SCIN: variants seen among roughly 807,000 people sequenced by gnomAD.
The protein encoded by SCIN is scinderin, also known as adseverin.
SCIN carries 91 observed loss-of-function variants against 91.8 expected under a neutral mutation model. The ratio of observed to expected loss-of-function variants is 0.99; its 90% CI spans 0.84 to 1.18. The LOEUF (loss-of-function observed/expected upper bound fraction) is 1.18, where lower values mean the gene tolerates loss of function less well. Among genes scored for constraint, SCIN ranks in the 50% most tolerant of loss-of-function variants. SCIN has a pLI of 0.00. For synonymous variants in SCIN, 367 were observed against 312.6 expected (o/e 1.17, Z -1.84); for missense variants, 1,087 against 863.9 (o/e 1.26, Z -3.24).
At chr7:12,577,402 T>A in intron 1 of SCIN, 1 of 374,500 alleles carries the variant, frequency 2.7e-6, no homozygotes, top group South Asian at 2.0e-5. Context: ...TAATAAAGGC[T>A]AAACCACTTG....
chr7:12,588,707 C>T (rs1362753508), intron 3 of SCIN, among the ~76,000 whole-genome samples: 3 of 151,446 alleles, frequency 2.0e-5, no homozygotes, highest in Non-Finnish European at 4.4e-5. Context: ...CCATGCTGCC[C>T]GTAGGGCTGT....
rs539357865 is a variant in SCIN at position 12,602,548 on chromosome 7, C to T, written c.517-1966C>T. On this transcript the variant is annotated intron_variant, in intron 3 of 15. Transcript: ENST00000297029. ...GGCATATTTCAGTCCTTATTTCAAC[C>T]GCATAAGACAGACACTCCCAGAGCG... Among the ~76,000 whole-genome samples the T allele has an allele frequency of 2.8e-3, 420 of 152,182 alleles. 2 individuals carry two copies. The highest frequency in any genetic ancestry group is 5.2e-3 in the Non-Finnish European group (351 of 67,994).
chr7:12,625,148 A>G lies in SCIN; in HGVS notation c.892+6A>G. 6.2e-7 allele frequency: 1 copy of G among 1,606,808 alleles called. No individual in the cohort carries two copies. Among genetic ancestry groups the G allele is most frequent in the Non-Finnish European group, 8.5e-7 (1 of 1,176,812 alleles). ...ACAAATTTTCGTATGGAAAGGTAAA[A>G]AATTCCATTGACGATGCTGTATTTC... is the stretch of plus-strand genomic sequence containing the variant. On this transcript the variant is annotated splice_donor_region_variant and intron_variant, in intron 6 of 15. Coordinates refer to ENST00000297029, the MANE Select transcript of SCIN (RefSeq NM_001112706.3).
intron 3 of SCIN, chr7:12,595,572 A>C (rs1782823834): frequency 6.6e-6 from 1 of 151,828 alleles, no homozygotes; most frequent in Admixed American, 6.6e-5. Context: ...TTCTTGCTGG[A>C]TAGGGGCAAT....
intron 1 of SCIN, chr7:12,577,787 T>G: frequency 2.3e-6 from 1 of 427,816 alleles, no homozygotes; most frequent in Non-Finnish European, 4.3e-6. Context: ...GCCCCAGAGT[T>G]TGGGGTTACA....
chr7:12,607,124 A>G (rs917538085), intron 4 of SCIN, among the ~76,000 whole-genome samples: 1 of 152,204 alleles, frequency 6.6e-6, no homozygotes, highest in Non-Finnish European at 1.5e-5. Context: ...ACTATCGGAC[A>G]TCACTCATGC....
At chr7:12,606,869 A>C (rs1783090326) in intron 4 of SCIN, among the ~76,000 whole-genome samples, 2 of 152,254 alleles carry the variant, frequency 1.3e-5, no homozygotes, top group African/African-American at 4.8e-5. Context: ...AACATAGCTA[A>C]TAAATCAGAC....
At chr7:12,593,247 C>T (rs952564076) in intron 3 of SCIN, among the ~76,000 whole-genome samples, 1 of 152,144 alleles carries the variant, frequency 6.6e-6, no homozygotes, top group East Asian at 1.9e-4. Context: ...GCTAGACTGA[C>T]AGATAGCCAC....
chr7:12,612,736 C>T lies in SCIN; in HGVS notation c.666+8073C>T, dbSNP rs368420327. On this transcript the variant is annotated intron_variant, in intron 4 of 15. Transcript: ENST00000297029. ...ATTTCTAGTATTGAATTTGGATACC[C>T]GTTTTGTTCCTCACCAATTCATCCA... 4.6e-5 allele frequency among the ~76,000 whole-genome samples: 7 copies of T among 152,204 alleles called. No homozygotes were observed. The East Asian group carries it at 5.8e-4, about 13-fold the overall frequency.
chr7:12,593,004 T>C (rs775174383), intron 3 of SCIN, among the ~76,000 whole-genome samples: 1 of 152,196 alleles, frequency 6.6e-6, no homozygotes, highest in Non-Finnish European at 1.5e-5. Flanking sequence ...GTGCAAGTGA[T>C]TCTTCACTTT....
intron 1 of SCIN, among the ~76,000 whole-genome samples, chr7:12,573,009 A>G (rs1368699509): frequency 6.6e-6 from 1 of 151,462 alleles, no homozygotes; most frequent in Non-Finnish European, 1.5e-5. Flanking sequence ...CCTTTAGAGA[A>G]AAAAAAAATG....
chr7:12,581,780 C>T (rs147881836), intron 3 of SCIN, among the ~76,000 whole-genome samples: 22 of 152,240 alleles, frequency 1.4e-4, no homozygotes, highest in Admixed American at 7.2e-4. Flanking sequence ...CTGGAAAAGA[C>T]GCTCCTCTAA....
At chr7:12,577,741 A>T (rs1222998797) in intron 1 of SCIN, 2 of 401,564 alleles carry the variant, frequency 5.0e-6, no homozygotes, top group African/African-American at 4.1e-5. Flanking sequence ...CTGTAGTCCA[A>T]GCTGCTTGTG....
At chr7:12,588,492 G>GT (rs761233260) in intron 3 of SCIN, among the ~76,000 whole-genome samples, 1 of 152,052 alleles carries the variant, frequency 6.6e-6, no homozygotes, top group Non-Finnish European at 1.5e-5. Context: ...GGTCAGGAGA[G>GT]TAAGTTTACT....
intron 4 of SCIN, among the ~76,000 whole-genome samples, chr7:12,613,937 A>G (rs554298294): frequency 6.6e-6 from 1 of 152,312 alleles, no homozygotes; most frequent in East Asian, 1.9e-4. Context: ...TATGTAAACA[A>G]AAAAGCTTCA....
At position 12,632,824 on chromosome 7, in the gene SCIN, G is replaced by A. The variant is rs186142474; in HGVS notation, c.1320-3221G>A. Among the ~76,000 whole-genome samples, 24 of 152,306 alleles carry A rather than the reference G, an allele frequency of 1.6e-4. 2 individuals are homozygous for A. Among genetic ancestry groups the A allele is most frequent in the East Asian group, 7.7e-4 (4 of 5,190 alleles). On this transcript the variant is annotated intron_variant, in intron 9 of 15. Coordinates refer to ENST00000297029, the MANE Select transcript of SCIN (RefSeq NM_001112706.3). ...GTAAAAGTTACTGTCTTTGGAATGC[G>A]GCTGGAGGGGATGGTCATTTAGCTT...
chr7:12,641,124 G>C (rs1002827427), intron 11 of SCIN, among the ~76,000 whole-genome samples: 47 of 152,286 alleles, frequency 3.1e-4, no homozygotes, highest in African/African-American at 1.0e-3. Flanking sequence ...TTGAAATCCA[G>C]GTCTTCCACA....
At chr7:12,576,358 GTT>G (rs113504526) in intron 1 of SCIN, among the ~76,000 whole-genome samples, 2 of 115,652 alleles carry the variant, frequency 1.7e-5, no homozygotes, top group Non-Finnish European at 3.9e-5. Context: ...CTACTGAGTT[GTT>G]TTTTTTTGTT....
chr7:12,597,349 A>G (rs1022949956), intron 3 of SCIN, among the ~76,000 whole-genome samples: 4 of 152,218 alleles, frequency 2.6e-5, no homozygotes, highest in African/African-American at 9.6e-5. Flanking sequence ...GATGCCAGGA[A>G]GAGGAAGAAG....
Sources: allele counts gnomAD v4.1 joint callset (sites outside exome capture counted in the v4.1 genomes callset), GRCh38; gene constraint gnomAD v4.1.1; transcripts MANE v1.5; gene names NCBI Gene and HGNC (gene_info 2026-07-23, HGNC 2026-07-21).